The following SLC25A40 variants were observed in gnomAD, a reference collection of about 807,000 sequenced individuals.
The protein encoded by SLC25A40 is solute carrier family 25 member 40.
A neutral mutation model predicts 46.5 loss-of-function variants in SLC25A40; 41 were observed. That is an observed-to-expected ratio of 0.88 (90% CI 0.69 to 1.14). SLC25A40 has a LOEUF of 1.14. Ranked by LOEUF, SLC25A40 falls within the 50% of genes most tolerant of loss-of-function variation. SLC25A40 has a pLI of 0.00. For missense variants in SLC25A40, 386 were observed against 393.6 expected, an observed-to-expected ratio of 0.98 and a Z score of 0.16; for synonymous variants, 126 against 127.5, an observed-to-expected ratio of 0.99 and a Z score of 0.08.
chr7:87,866,442 C>A (rs1305865366), intron 1 of SLC25A40, among the ~76,000 whole-genome samples: 1 of 152,048 alleles, frequency 6.6e-6, no homozygotes, highest in Non-Finnish European at 1.5e-5. Context: ...TTACTTGATT[C>A]TTTTCTTCTG....
chr7:87,845,110 C>T (rs1838392167), intron 8 of SLC25A40, among the ~76,000 whole-genome samples: 1 of 151,974 alleles, frequency 6.6e-6, no homozygotes, highest in Non-Finnish European at 1.5e-5. Flanking sequence ...AGAGTGAGAC[C>T]CTGACCAAAA....
rs766125842 is a variant in SLC25A40, at chr7:87,836,811, C to G, written c.824-1G>C. Reference sequence around the variant, plus strand: ...GTTGACATATGCAAAGGCATAGAAACTAAATGTTAAAATAAAGAAATAATG... The same window carrying G: ...GTTGACATATGCAAAGGCATAGAAAGTAAATGTTAAAATAAAGAAATAATG... On this transcript the variant is annotated splice_acceptor_variant, in intron 10 of 11. Transcript: ENST00000341119. LOFTEE classifies it high-confidence loss of function. 35 of 1,480,808 alleles carry G rather than the reference C, an allele frequency of 2.4e-5. No individual in the cohort carries two copies. The highest frequency in any genetic ancestry group is 3.0e-5 in the Non-Finnish European group (33 of 1,109,776). The allele number at this position is 1,480,808 out of a possible 1,614,324, so 91.7% of individuals were successfully genotyped here.
At chr7:87,849,760 C>T (rs1417434456) in intron 6 of SLC25A40, 121 bp downstream of exon 6, 24 of 692,090 alleles carry the variant, frequency 3.5e-5, no homozygotes, top group Non-Finnish European at 5.2e-5. Flanking sequence ...GCTTAAAAAA[C>T]AATACCTCAG....
chr7:87,876,358 G>C lies in SLC25A40; in HGVS notation c.-356C>G, dbSNP rs984105087. The C allele has an allele frequency of 8.1e-5, 16 of 197,088 alleles. No individual in the cohort carries two copies. The highest frequency in any genetic ancestry group is 4.0e-5 in the Non-Finnish European group (4 of 99,010). 12.2% of individuals were successfully genotyped at this position (197,088 alleles called of 1,614,324 possible). A position where few individuals can be genotyped will look rare whatever the true frequency, so the allele number is the denominator to read the frequency against. ...CAGGGCCAGAGCGAGGCGCGAGAAG[G>C]ACGGCGGCGTGAGGGGGCGGGGCGC... On this transcript the variant is annotated 5_prime_UTR_variant, in exon 1 of 12. Transcript: ENST00000341119.
At chr7:87,844,356 C>T (rs977448914) in intron 8 of SLC25A40, among the ~76,000 whole-genome samples, 1 of 151,966 alleles carries the variant, frequency 6.6e-6, no homozygotes, top group Non-Finnish European at 1.5e-5. Flanking sequence ...TCTGATAAAA[C>T]GCAACACTCC....
chr7:87,855,848 ATTAT>A (rs2131010178), intron 4 of SLC25A40, among the ~76,000 whole-genome samples: 1 of 152,336 alleles, frequency 6.6e-6, no homozygotes, highest in East Asian at 1.9e-4. Context: ...AAAATACATC[ATTAT>A]TTGTCTCAAA....
chr7:87,845,235 G>A (rs768550963), intron 8 of SLC25A40, among the ~76,000 whole-genome samples: 6 of 151,758 alleles, frequency 4.0e-5, no homozygotes, highest in Non-Finnish European at 8.8e-5. Context: ...TGACAGAGAC[G>A]ACACTGCAGA....
chr7:87,841,608 AAT>A, intron 10 of SLC25A40, 23 bp downstream of exon 10: 1 of 1,385,768 alleles, frequency 7.2e-7, no homozygotes, highest in Non-Finnish European at 9.6e-7. Context: ...GCATCTTAAA[AAT>A]ATTTTAAATT....
chr7:87,856,467 A>C (rs778776547), intron 3 of SLC25A40, 116 bp from the exon 4 acceptor site: 1 of 865,652 alleles, frequency 1.2e-6, no homozygotes, highest in East Asian at 2.4e-5. Flanking sequence ...TATAATTGGT[A>C]AGCTTATTTA....
At chr7:87,853,158 T>G (rs1414760437) in intron 5 of SLC25A40, among the ~76,000 whole-genome samples, 1 of 151,998 alleles carries the variant, frequency 6.6e-6, no homozygotes, top group Non-Finnish European at 1.5e-5. Context: ...TACAAACAAT[T>G]TAATTAGAAA....
At chr7:87,857,132 T>C (rs1838626927) in intron 3 of SLC25A40, among the ~76,000 whole-genome samples, 1 of 152,216 alleles carries the variant, frequency 6.6e-6, no homozygotes, top group African/African-American at 2.4e-5. Flanking sequence ...AGAAGCTGAC[T>C]GTAAGAAACA....
chr7:87,874,413 A>G (rs1281599991), intron 1 of SLC25A40, among the ~76,000 whole-genome samples: 1 of 152,176 alleles, frequency 6.6e-6, no homozygotes, highest in African/African-American at 2.4e-5. Context: ...CCTTCATTAT[A>G]CTTTCCTACA....
At chr7:87,846,505 T>G (rs1838423054) in intron 8 of SLC25A40, among the ~76,000 whole-genome samples, 1 of 152,208 alleles carries the variant, frequency 6.6e-6, no homozygotes, top group Admixed American at 6.5e-5. Context: ...TTTGTAATAG[T>G]CTTTTACAGG....
In SLC25A40 at chr7:87,841,720, A is replaced by G; in HGVS notation, c.742-6T>C. 2.7e-6 allele frequency: 4 copies of G among 1,486,552 alleles called. No homozygotes were observed. The highest frequency in any genetic ancestry group is 3.6e-6 in the Non-Finnish European group (4 of 1,112,042). 92.1% of individuals were successfully genotyped at this position (1,486,552 alleles called of 1,614,324 possible). ...AAAGTTGCAACAGCAGCAAACTATC[A>G]GAAAGTAAAATTGATTAATTTCAAT... On this transcript the variant is annotated splice_region_variant and splice_polypyrimidine_tract_variant and intron_variant, in intron 9 of 11. Transcript: ENST00000341119.
Position 87,858,723 on chromosome 7 carries a change from T to C in SLC25A40, c.5A>G (p.Asp2Gly), listed in dbSNP as rs780260204. 3 of 1,607,544 alleles carry C rather than the reference T, an allele frequency of 1.9e-6. No individual in the cohort carries two copies. The East Asian group carries it at 6.7e-5, about 36-fold the overall frequency. The part of the protein sequence containing the change: M[D>G]PETRGQEIIK... ...AATCTCTTGTCCCCTTGTCTCAGGA[T>C]CCATATTTTTAACTAATTAAATAAA... The change falls in exon 3 of 12, where the codon GAT becomes GGT. Residue 2 changes from aspartate (D) to glycine (G), a missense_variant. Transcript: ENST00000341119.
rs1838221955 is a variant in SLC25A40, at chr7:87,833,714, T to C, written c.*2535A>G. 6.6e-6 allele frequency: 1 copy of C among 151,876 alleles called. No individual in the cohort carries two copies. The highest frequency in any genetic ancestry group is 2.1e-4 in the South Asian group (1 of 4,824). 9.4% of individuals were successfully genotyped at this position (151,876 alleles called of 1,614,324 possible). A position where few individuals can be genotyped will look rare whatever the true frequency, so the allele number is the denominator to read the frequency against. Reference sequence around the variant, plus strand: ...TTTAGGGGTACATATGCAGGTTTGTTACACAGGTAAACTTTTGTGTCATGG... The same window carrying C: ...TTTAGGGGTACATATGCAGGTTTGTCACACAGGTAAACTTTTGTGTCATGG... On this transcript the variant is annotated 3_prime_UTR_variant, in exon 12 of 12. Coordinates refer to ENST00000341119, the MANE Select transcript of SLC25A40 (RefSeq NM_018843.4).
intron 11 of SLC25A40, 120 bp from the exon 12 acceptor site, chr7:87,836,481 C>A (rs1258195048): frequency 6.1e-6 from 4 of 657,598 alleles, no homozygotes; most frequent in Non-Finnish European, 9.4e-6. Context: ...TGTTCAAATC[C>A]ATAAATTGGT....
intron 1 of SLC25A40, among the ~76,000 whole-genome samples, chr7:87,864,960 T>TTTTTC (rs372588744): frequency 1.5e-4 from 23 of 150,740 alleles, no homozygotes; most frequent in South Asian, 4.2e-4. Context: ...TTTGTTGATT[T>TTTTTC]TTTTCTTTTC....
At chr7:87,868,312 C>G (rs1229594364) in intron 1 of SLC25A40, among the ~76,000 whole-genome samples, 2 of 152,220 alleles carry the variant, frequency 1.3e-5, no homozygotes, top group Admixed American at 6.5e-5. Flanking sequence ...TGCTCTCACA[C>G]CAGAAGAATC....
Sources: gnomAD v4.1 joint callset for allele counts (sites outside exome capture counted in the v4.1 genomes callset) on GRCh38, gnomAD v4.1.1 for gene constraint, MANE v1.5 for transcripts, NCBI Gene and HGNC (gene_info 2026-07-23, HGNC 2026-07-21) for gene names.